Variants in FSD2 observed in about 807,000 individuals in gnomAD.
FSD2 encodes the protein fibronectin type III and SPRY domain-containing protein 2.
In FSD2, 71 loss-of-function variants were observed where a neutral mutation model predicts 80.4. That is an observed-to-expected ratio of 0.88 (90% CI 0.73 to 1.08). The LOEUF is 1.08. Ranked by LOEUF, FSD2 falls within the 50% of genes least tolerant of loss-of-function variation. The pLI, the probability that FSD2 is intolerant of heterozygous loss-of-function variation, is 0.00. For synonymous variants in FSD2, 361 were observed against 329.5 expected (o/e 1.10, Z -1.03); for missense variants, 923 against 913.8 (o/e 1.01, Z -0.13).
rs559154395 is a variant in FSD2 at position 82,773,630 on chromosome 15, G to C, written c.1112-1402C>G. On this transcript the variant is annotated intron_variant, in intron 6 of 12. Transcript: ENST00000334574. ...TTTGGGCAGCACCATTCCTAGATGGGGAAAAGAACCATCCAGTGGACGTCA... is the reference window on the plus strand; with the variant it reads ...TTTGGGCAGCACCATTCCTAGATGGCGAAAAGAACCATCCAGTGGACGTCA... Among the ~76,000 whole-genome samples, 45 of 152,238 alleles carry C rather than the reference G, an allele frequency of 3.0e-4. 1 individual carries two copies. In the South Asian group the frequency reaches 9.1e-3, roughly 31 times the overall value.
intron 7 of FSD2, among the ~76,000 whole-genome samples, 167 bp downstream of exon 7, chr15:82,771,906 G>A (rs1398429149): frequency 2.6e-5 from 4 of 152,182 alleles, no homozygotes; most frequent in Admixed American, 6.5e-5. Flanking sequence ...AGGCCCCAGC[G>A]TGCCTTGCTA....
chr15:82,800,893 C>G (rs964336933), intron 1 of FSD2, among the ~76,000 whole-genome samples: 12 of 152,020 alleles, frequency 7.9e-5, no homozygotes, highest in African/African-American at 2.9e-4. Context: ...CATTTTAATG[C>G]TAAAAATCAC....
At chr15:82,763,805 G>A (rs908872034) in intron 11 of FSD2, among the ~76,000 whole-genome samples, 4 of 152,092 alleles carry the variant, frequency 2.6e-5, no homozygotes, top group Non-Finnish European at 5.9e-5. Context: ...TCACCACATA[G>A]AGGATAAAAT....
At chr15:82,772,008 G>C in intron 7 of FSD2, 65 bp downstream of exon 7, 5 of 1,441,664 alleles carry the variant, frequency 3.5e-6, no homozygotes, top group Non-Finnish European at 4.6e-6. Context: ...GGAAGACAGG[G>C]CCCAGGCCCC....
chr15:82,765,981 C>T lies in FSD2; in HGVS notation c.1604G>A (p.Gly535Glu), dbSNP rs764216757. Residue 535 changes from glycine to glutamate, a missense_variant, in exon 10 of 13, where the codon GGG becomes GAG. Transcript: ENST00000334574. ...TCGCACATAGATAATGTAGCTCCGC[C>T]CCGGCTGCAGCTGCACCACGGACTC... ...TCESVVQLQPGRSYIIYVRAL... is the reference protein window; with the variant it reads ...TCESVVQLQPERSYIIYVRAL... 3 of 1,599,902 alleles carry T rather than the reference C, an allele frequency of 1.9e-6. No homozygotes were observed. The highest frequency in any genetic ancestry group is 2.7e-5 in the African/African-American group (2 of 74,708).
chr15:82,774,853 T>G (rs1165235692), intron 6 of FSD2, among the ~76,000 whole-genome samples: 1 of 151,360 alleles, frequency 6.6e-6, no homozygotes, highest in Non-Finnish European at 1.5e-5. Context: ...TCCCGAGTAG[T>G]TGGGATTACA....
At chr15:82,766,683 A>C (rs566434774) in intron 9 of FSD2, among the ~76,000 whole-genome samples, 14 of 149,860 alleles carry the variant, frequency 9.3e-5, no homozygotes, top group Non-Finnish European at 1.6e-4. Context: ...TGGAGGTTGC[A>C]GTGAACCGAG....
At position 82,787,265 on chromosome 15, in the gene FSD2, C is replaced by T; in HGVS notation, c.126G>A (p.Arg42=). The T allele has an allele frequency of 6.2e-7, 1 of 1,613,856 alleles. No individual in the cohort carries two copies. The highest frequency in any genetic ancestry group is 1.1e-5 in the South Asian group (1 of 91,064). ...RLHLFPEENT[R]MRKVVQAEMA... is the part of the protein sequence containing the mutation. ...TTTCAGCTTGGACTACTTTCCTCAT[C>T]CTAGTGTTCTCTTCTGGAAAGAGGT... Residue 42 remains arginine (R), a synonymous_variant, in exon 2 of 13, where the codon AGG becomes AGA. Transcript: ENST00000334574.
intron 9 of FSD2, among the ~76,000 whole-genome samples, chr15:82,768,094 C>T (rs1219469919): frequency 6.6e-6 from 1 of 152,214 alleles, no homozygotes; most frequent in East Asian, 1.9e-4. Context: ...TTTGTGAACC[C>T]CTCTAGCTCT....
rs574351857 is a variant in FSD2, at chr15:82,773,431, G to A, written c.1112-1203C>T. ...AAATACAGCTTCACCTGGAGATGCA[G>A]CGTAAGAAAATGTATGGTTCTGGGA... On this transcript the variant is annotated intron_variant, in intron 6 of 12. Transcript: ENST00000334574. 3.9e-5 allele frequency among the ~76,000 whole-genome samples: 6 copies of A among 152,292 alleles called. No individual in the cohort carries two copies. The South Asian group carries it at 1.2e-3, about 32-fold the overall frequency.
chr15:82,789,942 C>G (rs1230655441), intron 1 of FSD2, among the ~76,000 whole-genome samples: 2 of 152,020 alleles, frequency 1.3e-5, no homozygotes, highest in African/African-American at 4.8e-5. Flanking sequence ...TTTTGGAGGC[C>G]AAGATGGGCG....
chr15:82,766,017 A>G lies in FSD2; in HGVS notation c.1568T>C (p.Ile523Thr). The G allele has an allele frequency of 6.3e-7, 1 of 1,586,120 alleles. No homozygotes were observed. Among genetic ancestry groups the G allele is most frequent in the South Asian group, 1.2e-5 (1 of 86,848 alleles). The change falls in exon 10 of 13, where the codon ATC becomes ACC. Residue 523 changes from isoleucine (I) to threonine (T), a missense_variant. By Grantham distance (89) the Ile-to-Thr change is moderately conservative. Coordinates refer to ENST00000334574, the MANE Select transcript of FSD2 (RefSeq NM_001007122.4). ...CTGCACCACGGACTCGCAGGTCGGG[A>G]TGCCCACAACAGACCTGTACAAGGA... Reference protein sequence around the residue: ...ASGVTESVVGIPTCESVVQLQ... With the variant: ...ASGVTESVVGTPTCESVVQLQ...
chr15:82,756,866 T>C lies in FSD2; in HGVS notation c.*2482A>G, dbSNP rs968677030. The stretch of plus-strand genomic sequence containing the variant: ...AGGGATTGTGGCTACAGTGGTCTAA[T>C]TTTTAAAAACTCTTTTTTTTGCTTT... On this transcript the variant is annotated 3_prime_UTR_variant, in exon 13 of 13. Coordinates refer to ENST00000334574, the MANE Select transcript of FSD2 (RefSeq NM_001007122.4). The C allele has an allele frequency of 6.6e-6, 1 of 152,236 alleles. No homozygotes were observed. Among genetic ancestry groups the C allele is most frequent in the Non-Finnish European group, 1.5e-5 (1 of 68,040 alleles). The allele number at this position is 152,236 out of a possible 1,614,324, so 9.4% of individuals were successfully genotyped here.
At chr15:82,775,081 G>T (rs1006410613) in intron 6 of FSD2, among the ~76,000 whole-genome samples, 1 of 151,466 alleles carries the variant, frequency 6.6e-6, no homozygotes, top group Non-Finnish European at 1.5e-5. Flanking sequence ...AGCTCAGGGG[G>T]TCTGCAGGGT....
chr15:82,773,583 C>T (rs2049639797), intron 6 of FSD2, among the ~76,000 whole-genome samples: 3 of 152,176 alleles, frequency 2.0e-5, no homozygotes, highest in African/African-American at 4.8e-5. Flanking sequence ...TAGTGCTTTT[C>T]CTTCCCAATG....
Position 82,787,199 on chromosome 15 carries a change from T to C in FSD2, c.192A>G (p.Gln64=), listed in dbSNP as rs1394141678. The change falls in exon 2 of 13, where the codon CAA becomes CAG. Residue 64 remains glutamine (Q), a synonymous_variant. Transcript: ENST00000334574. ...ESRGAGDGKA[Q]RDLQEEVDEL... Reference sequence around the variant, plus strand: ...CATCCACTTCCTCTTGAAGGTCTCTTTGAGCCTTACCATCCCCTGCTCCTC... The same window carrying C: ...CATCCACTTCCTCTTGAAGGTCTCTCTGAGCCTTACCATCCCCTGCTCCTC... 6.2e-7 allele frequency: 1 copy of C among 1,614,020 alleles called. No individual in the cohort carries two copies. Among genetic ancestry groups the C allele is most frequent in the Non-Finnish European group, 8.5e-7 (1 of 1,179,898 alleles).
rs765293776 is a variant in FSD2 at position 82,765,286 on chromosome 15, C to T, written c.1700G>A (p.Arg567His). The change falls in exon 11 of 13, where the codon CGC (arginine) becomes CAC (histidine). Residue 567 changes from arginine to histidine, a missense_variant. By Grantham distance (29) the Arg-to-His change is conservative (BLOSUM62 0). Coordinates refer to ENST00000334574, the MANE Select transcript of FSD2 (RefSeq NM_001007122.4). The stretch of plus-strand genomic sequence containing the variant: ...GGGATGGCAAGTGTCCTTGTTTAGG[C>T]GAAAGTAGCTTCCTGTGGGAGGAGG... Reference protein sequence around the residue: ...ATVHTIGSYFRLNKDTCHPWL... With the variant: ...ATVHTIGSYFHLNKDTCHPWL... 11 of 1,612,870 alleles carry T rather than the reference C, an allele frequency of 6.8e-6. No individual in the cohort carries two copies. Among genetic ancestry groups the T allele is most frequent in the Middle Eastern group, 1.6e-4 (1 of 6,064 alleles).
chr15:82,772,766 A>G (rs931373554), intron 6 of FSD2, among the ~76,000 whole-genome samples: 2 of 152,178 alleles, frequency 1.3e-5, no homozygotes, highest in East Asian at 3.8e-4. Flanking sequence ...CTGTAGGTGA[A>G]TACTTCTATC....
Position 82,778,802 on chromosome 15 carries a change from C to T in FSD2, c.1075G>A (p.Val359Met), listed in dbSNP as rs2049782457. 2 of 1,613,660 alleles carry T rather than the reference C, an allele frequency of 1.2e-6. No individual in the cohort carries two copies. Among genetic ancestry groups the T allele is most frequent in the South Asian group, 2.2e-5 (2 of 91,030 alleles). The change falls in exon 6 of 13, where the codon GTG becomes ATG. Residue 359 changes from valine to methionine, a missense_variant. By Grantham distance (21) the Val-to-Met change is conservative. Coordinates refer to ENST00000334574, the MANE Select transcript of FSD2 (RefSeq NM_001007122.4). Reference protein sequence around the residue: ...FEDQTLDFSDVEQLMGSINTI... With the variant: ...FEDQTLDFSDMEQLMGSINTI... ...TTAATGGAGCCCATCAGCTGCTCCA[C>T]ATCAGAGAAATCCAAGGTCTGGTCT...
Sources: allele counts gnomAD v4.1 joint callset (sites outside exome capture counted in the v4.1 genomes callset), GRCh38; gene constraint gnomAD v4.1.1; transcripts MANE v1.5; gene names NCBI Gene and HGNC (gene_info 2026-07-23, HGNC 2026-07-21).